Variants in COL15A1 observed in about 807,000 individuals in gnomAD.
COL15A1 encodes collagen type XV alpha 1 chain, also known as collagen alpha-1(XV) chain.
Under a neutral mutation model 165.9 loss-of-function variants are expected in COL15A1, and 111 were observed. The ratio of observed to expected loss-of-function variants is 0.67; its 90% CI spans 0.57 to 0.78. The LOEUF (loss-of-function observed/expected upper bound fraction) is 0.78, where lower values mean the gene tolerates loss of function less well. Among genes scored for constraint, COL15A1 ranks in the 30% least tolerant of loss-of-function variants. The pLI, the probability that COL15A1 is intolerant of heterozygous loss-of-function variation, is 0.00. For synonymous variants in COL15A1, 659 were observed against 674.8 expected, an observed-to-expected ratio of 0.98 and a Z score of 0.36; for missense variants, 1,745 against 1,789.7, an observed-to-expected ratio of 0.98 and a Z score of 0.45.
intron 2 of COL15A1, among the ~76,000 whole-genome samples, chr9:98,971,572 G>T (rs1317618265): frequency 1.3e-5 from 2 of 152,164 alleles, no homozygotes; most frequent in Non-Finnish European, 2.9e-5. Flanking sequence ...ATGGTCCCTG[G>T]GGTGGCTTTG....
At chr9:99,068,190 G>T (rs539087419) in intron 40 of COL15A1, among the ~76,000 whole-genome samples, 11 of 152,196 alleles carry the variant, frequency 7.2e-5, no homozygotes, top group Non-Finnish European at 1.6e-4. Flanking sequence ...AATCGGCCAA[G>T]TGTGGTGGTG....
intron 2 of COL15A1, among the ~76,000 whole-genome samples, chr9:98,966,239 C>T (rs1889265): frequency 6.6e-6 from 1 of 152,040 alleles, no homozygotes; most frequent in Admixed American, 6.6e-5. Context: ...TCAAGAAACA[C>T]CCCAGGCCAT....
rs757013439 is a variant in COL15A1, at chr9:99,015,540, A to G, written c.1477A>G (p.Met493Val). The change falls in exon 10 of 42, where the codon ATG (methionine) becomes GTG (valine). Residue 493 changes from methionine to valine, a missense_variant. Coordinates refer to ENST00000375001, the MANE Select transcript of COL15A1 (RefSeq NM_001855.5). ...TDGLAPLTAT[M>V]APERAVTSGP... ...TGGCCTGGCTCCCCTCACAGCCACC[A>G]TGGCCCCTGAGCGGGCAGTCACTTC... 2 of 1,613,796 alleles carry G rather than the reference A, an allele frequency of 1.2e-6. No homozygotes were observed. Among genetic ancestry groups the G allele is most frequent in the Admixed American group, 1.7e-5 (1 of 60,000 alleles).
intron 18 of COL15A1, 73 bp downstream of exon 18, chr9:99,035,227 C>A: frequency 6.4e-7 from 1 of 1,574,152 alleles, no homozygotes; most frequent in Non-Finnish European, 8.7e-7. Context: ...GCTAGCTAAA[C>A]CCTGGTCTCA....
Position 99,003,488 on chromosome 9 carries a change from GC to G in COL15A1, c.1104del (p.Ile369SerfsTer40). The G allele has an allele frequency of 6.5e-7, 1 of 1,549,504 alleles. No homozygotes were observed. On this transcript the variant is annotated frameshift_variant, in exon 8 of 42. Coordinates refer to ENST00000375001, the MANE Select transcript of COL15A1 (RefSeq NM_001855.5). LOFTEE classifies it high-confidence loss of function. ...AATAAGLAEVPISTAGEAEAS... is the reference protein window; with the variant it reads ...AATAAGLAEVXISTAGEAEAS... Reference sequence around the variant, plus strand: ...CAACAGCAGCGGGGCTGGCCGAGGTGCCCATCAGCACTGCTGGAGAAGCAGA... The same window carrying G: ...CAACAGCAGCGGGGCTGGCCGAGGTGCCATCAGCACTGCTGGAGAAGCAGA...
chr9:99,031,266 T>A (rs1003721818), intron 16 of COL15A1, among the ~76,000 whole-genome samples: 7 of 152,088 alleles, frequency 4.6e-5, no homozygotes, highest in African/African-American at 1.7e-4. Context: ...GCCCCTGTGA[T>A]CCCCATTCCT....
chr9:99,039,906 C>T (rs1839371301), intron 22 of COL15A1, among the ~76,000 whole-genome samples: 1 of 152,206 alleles, frequency 6.6e-6, no homozygotes, highest in Non-Finnish European at 1.5e-5. Flanking sequence ...CTGCAGATCC[C>T]CATGAGGTTG....
At position 99,067,929 on chromosome 9, in the gene COL15A1, T is replaced by C. The variant is rs565189333; in HGVS notation, c.3838-626T>C. ...CCACAAATTTGAAGCTTAGTATGTA[T>C]GCATAATATTTTCAAAATAACAATA... On this transcript the variant is annotated intron_variant, in intron 40 of 41. Transcript: ENST00000375001. Among the ~76,000 whole-genome samples the C allele has an allele frequency of 4.9e-4, 75 of 152,334 alleles. 1 individual carries two copies. Among genetic ancestry groups the C allele is most frequent in the African/African-American group, 1.7e-3 (70 of 41,576 alleles).
In COL15A1 at chr9:99,003,213, G is replaced by A. The variant is rs562773982; in HGVS notation, c.1066-240G>A. ...AGAGCTAGACCAGGCTGACTCAGGA[G>A]CAGTGATTTCCGTGTTAATGGAGGT... is the stretch of plus-strand genomic sequence containing the variant. On this transcript the variant is annotated intron_variant, in intron 7 of 41. Coordinates refer to ENST00000375001, the MANE Select transcript of COL15A1 (RefSeq NM_001855.5). Among the ~76,000 whole-genome samples the A allele has an allele frequency of 2.0e-5, 3 of 152,374 alleles. No homozygotes were observed. In the East Asian group the frequency reaches 5.8e-4, roughly 29 times the overall value.
At chr9:99,063,552 T>A (rs1825850725) in intron 39 of COL15A1, among the ~76,000 whole-genome samples, 1 of 152,238 alleles carries the variant, frequency 6.6e-6, no homozygotes, top group Non-Finnish European at 1.5e-5. Context: ...TTCAAGGGTC[T>A]GCAAGCCAAG....
intron 9 of COL15A1, among the ~76,000 whole-genome samples, chr9:99,012,585 CATATATGTTCATTTTACA>C (rs924610137): frequency 1.4e-4 from 21 of 151,968 alleles, no homozygotes; most frequent in Non-Finnish European, 2.6e-4. Context: ...ATGAAAATAC[CATATATGTTCATTTTACA>C]AAAATACTTG....
At chr9:99,019,680 A>G (rs1233407089) in intron 11 of COL15A1, among the ~76,000 whole-genome samples, 1 of 151,718 alleles carries the variant, frequency 6.6e-6, no homozygotes, top group African/African-American at 2.4e-5. Context: ...AGTTTTCTTC[A>G]CTTCTCTCTG....
chr9:99,020,213 G>A (rs942303226), intron 11 of COL15A1, among the ~76,000 whole-genome samples, 176 bp from the exon 12 acceptor site: 1 of 152,152 alleles, frequency 6.6e-6, no homozygotes, highest in South Asian at 2.1e-4. Context: ...CCGGTGCAGG[G>A]GATGGTGCAG....
chr9:99,016,036 G>A lies in COL15A1; in HGVS notation c.1564G>A (p.Gly522Arg), dbSNP rs766211171. 7.4e-6 allele frequency: 12 copies of A among 1,613,934 alleles called. No individual in the cohort carries two copies. The highest frequency in any genetic ancestry group is 3.4e-6 in the Non-Finnish European group (4 of 1,179,928). Reference protein sequence around the residue: ...ATTEEPLITAGGEESGSPPPD... With the variant: ...ATTEEPLITARGEESGSPPPD... The stretch of plus-strand genomic sequence containing the variant: ...AACAGAGGAGCCCCTCATCACAGCT[G>A]GGGGTGAAGAGTCCGGCAGCCCTCC... Residue 522 changes from glycine (G) to arginine (R), a missense_variant, in exon 11 of 42, where the codon GGG becomes AGG. Gly to Arg is a moderately radical substitution (Grantham distance 125, BLOSUM62 -2). Coordinates refer to ENST00000375001, the MANE Select transcript of COL15A1 (RefSeq NM_001855.5).
At chr9:99,060,243 TATATA>T (rs202015291) in intron 36 of COL15A1, among the ~76,000 whole-genome samples, 5,270 of 138,016 alleles carry the variant, frequency 0.038, 205 homozygotes, top group African/African-American at 0.098. Flanking sequence ...TTTATATATA[TATATA>T]TATATATATT....
intron 2 of COL15A1, among the ~76,000 whole-genome samples, chr9:98,975,983 T>C (rs983489335): frequency 6.6e-6 from 1 of 152,172 alleles, no homozygotes. Context: ...AATGAGGAGA[T>C]GAAGCAGAGG....
intron 6 of COL15A1, among the ~76,000 whole-genome samples, chr9:98,998,965 C>G (rs913861709): frequency 6.6e-6 from 1 of 152,228 alleles, no homozygotes. Flanking sequence ...CATCGTGACC[C>G]GTGGAAGGGG....
intron 5 of COL15A1, among the ~76,000 whole-genome samples, chr9:98,991,076 C>T (rs1291025256): frequency 6.6e-6 from 1 of 152,162 alleles, no homozygotes; most frequent in Non-Finnish European, 1.5e-5. Context: ...TCTTGCTGGC[C>T]TCAGGAGTGA....
chr9:99,049,578 T>C, intron 28 of COL15A1, 112 bp from the exon 29 acceptor site: 1 of 1,336,060 alleles, frequency 7.5e-7, no homozygotes, highest in Non-Finnish European at 1.0e-6. Context: ...GAGAGAGAAG[T>C]TGGTTGGCTT....
Sources: allele counts gnomAD v4.1 joint callset (sites outside exome capture counted in the v4.1 genomes callset), GRCh38; gene constraint gnomAD v4.1.1; transcripts MANE v1.5; gene names NCBI Gene and HGNC (gene_info 2026-07-23, HGNC 2026-07-21).